The following STX3 variants were observed in gnomAD, a reference collection of about 807,000 sequenced individuals.
The protein encoded by STX3 is syntaxin 3.
A neutral mutation model predicts 40.2 loss-of-function variants in STX3; 19 were observed. That is an observed-to-expected ratio of 0.47 (90% CI 0.33 to 0.69). The LOEUF (loss-of-function observed/expected upper bound fraction) is 0.69. Ranked by LOEUF, STX3 falls within the 30% of genes least tolerant of loss-of-function variation. The pLI is 0.02. For synonymous variants in STX3, 122 were observed against 132.2 expected, an observed-to-expected ratio of 0.92 and a Z score of 0.53; for missense variants, 364 against 366.7, an observed-to-expected ratio of 0.99 and a Z score of 0.06.
chr11:59,778,366 C>T (rs1161903492), intron 2 of STX3, among the ~76,000 whole-genome samples: 2 of 152,150 alleles, frequency 1.3e-5, no homozygotes. Context: ...TCCCTTGTGG[C>T]CTCCTGGATA....
chr11:59,763,143 G>T (rs753907596), intron 1 of STX3, among the ~76,000 whole-genome samples: 27 of 152,202 alleles, frequency 1.8e-4, no homozygotes, highest in Non-Finnish European at 3.7e-4. Flanking sequence ...ATGAACAAAT[G>T]AATCTGTTAC....
chr11:59,793,629 G>T (rs1013552474), intron 8 of STX3, 115 bp downstream of exon 8: 1 of 1,398,294 alleles, frequency 7.2e-7, no homozygotes, highest in Non-Finnish European at 9.6e-7. Flanking sequence ...AGAACCATTG[G>T]GAATTTGCAT....
In STX3 at chr11:59,787,096, ACT is replaced by A. The variant is rs1359585490; in HGVS notation, c.177_178del (p.Tyr60GlnfsTer16). 1.2e-6 allele frequency: 2 copies of A among 1,613,940 alleles called. No homozygotes were observed. The highest frequency in any genetic ancestry group is 1.1e-5 in the South Asian group (1 of 91,054). On this transcript the variant is annotated frameshift_variant, in exon 3 of 11. Coordinates refer to ENST00000337979, the MANE Select transcript of STX3 (RefSeq NM_004177.5). LOFTEE classifies it high-confidence loss of function. ...ISEHVEEAKK[L>X]YSIILSAPIP... is the part of the protein sequence containing the mutation. Reference sequence around the variant, plus strand: ...CAGAACATGTAGAGGAGGCTAAGAAACTCTACAGTATCATTCTCTCTGCACCG... The same window carrying A: ...CAGAACATGTAGAGGAGGCTAAGAAACTACAGTATCATTCTCTCTGCACCG...
chr11:59,769,720 C>G (rs908797649), intron 1 of STX3, among the ~76,000 whole-genome samples: 1 of 152,176 alleles, frequency 6.6e-6, no homozygotes, highest in African/African-American at 2.4e-5. Flanking sequence ...CTCCAGGTCA[C>G]AGTTGTTCCC....
intron 5 of STX3, among the ~76,000 whole-genome samples, chr11:59,791,343 A>G (rs1865147160): frequency 6.6e-6 from 1 of 152,238 alleles, no homozygotes; most frequent in Non-Finnish European, 1.5e-5. Flanking sequence ...GCCACATTCT[A>G]GAGGTCTTTG....
intron 2 of STX3, among the ~76,000 whole-genome samples, chr11:59,781,100 T>TTTTTTTTTTTTTTTTATATA (rs963410109): frequency 1.6e-4 from 23 of 146,356 alleles, no homozygotes; most frequent in African/African-American, 2.6e-4. Flanking sequence ...TTTTTTTTTT[T>TTTTTTTTTTTTTTTTATATA]TATATTAGCA....
intron 2 of STX3, among the ~76,000 whole-genome samples, chr11:59,784,159 A>G (rs965397573): frequency 2.0e-5 from 3 of 152,334 alleles, no homozygotes; most frequent in Non-Finnish European, 4.4e-5. Flanking sequence ...TGCTTCTACC[A>G]TTGACTGAAC....
At chr11:59,795,556 C>T in intron 9 of STX3, 74 bp downstream of exon 9, 5 of 1,551,134 alleles carry the variant, frequency 3.2e-6, no homozygotes, top group African/African-American at 1.4e-5. Flanking sequence ...TCTTCCCTCT[C>T]CCTGTCTCTG....
intron 9 of STX3, chr11:59,795,707 C>T (rs897455818): frequency 4.5e-5 from 69 of 1,536,404 alleles, no homozygotes; most frequent in African/African-American, 1.6e-4. Flanking sequence ...GAGTGAAGCC[C>T]GGAGGGTGAG....
At chr11:59,777,710 C>G (rs1864057495) in intron 2 of STX3, among the ~76,000 whole-genome samples, 1 of 152,048 alleles carries the variant, frequency 6.6e-6, no homozygotes, top group Non-Finnish European at 1.5e-5. Flanking sequence ...TGGCTTTTCT[C>G]TTAGGATTGT....
At chr11:59,762,478 T>G (rs1381972208) in intron 1 of STX3, among the ~76,000 whole-genome samples, 1 of 152,248 alleles carries the variant, frequency 6.6e-6, no homozygotes, top group Non-Finnish European at 1.5e-5. Context: ...AGAAGGATCC[T>G]CACTCAGCAC....
chr11:59,783,407 T>A (rs770834626), intron 2 of STX3, among the ~76,000 whole-genome samples: 14 of 152,236 alleles, frequency 9.2e-5, no homozygotes, highest in Non-Finnish European at 1.8e-4. Context: ...CTCTACTTCT[T>A]TGAGACTCGA....
intron 2 of STX3, among the ~76,000 whole-genome samples, chr11:59,783,784 G>A (rs1590799935): frequency 6.6e-6 from 1 of 152,264 alleles, no homozygotes; most frequent in East Asian, 1.9e-4. Context: ...AAGCCACGAA[G>A]TTCAAAAAAA....
upstream of STX3, chr11:59,755,110 A>AGCCC: frequency 6.5e-6 from 1 of 153,336 alleles, no homozygotes; most frequent in Non-Finnish European, 1.5e-5. Flanking sequence ...CCTAGCGAGG[A>AGCCC]GCCCGGCACA....
chr11:59,769,678 C>T (rs1267643691), intron 1 of STX3, among the ~76,000 whole-genome samples: 1 of 152,140 alleles, frequency 6.6e-6, no homozygotes, highest in African/African-American at 2.4e-5. Context: ...GAACTTACGT[C>T]ATGATGGAGT....
In STX3 at chr11:59,795,357, G is replaced by A. The variant is rs748879664; in HGVS notation, c.676-15G>A. ...GAGACGTTTACTTGGTGTGATCAGA[G>A]TCTGTTCTTTGCAGGGTGAGATGTT... is the stretch of plus-strand genomic sequence containing the variant. On this transcript the variant is annotated splice_polypyrimidine_tract_variant and intron_variant, in intron 8 of 10. Coordinates refer to ENST00000337979, the MANE Select transcript of STX3 (RefSeq NM_004177.5). 1 of 1,605,382 alleles carries A rather than the reference G, an allele frequency of 6.2e-7. No homozygotes were observed. Among genetic ancestry groups the A allele is most frequent in the East Asian group, 2.2e-5 (1 of 44,824 alleles).
intron 2 of STX3, among the ~76,000 whole-genome samples, chr11:59,776,648 T>C (rs1287436371): frequency 6.6e-6 from 1 of 152,220 alleles, no homozygotes; most frequent in East Asian, 1.9e-4. Flanking sequence ...CTTGGTTATT[T>C]GCTGAGAGCA....
rs536957457 is a variant in STX3 at position 59,790,161 on chromosome 11, A to AT, written c.290-356dup. ...ATGTGTCTTCTCATTTAATCTTCAC[A>AT]TTAGTATTGTGAGGGAGGGACTGTT... On this transcript the variant is annotated intron_variant, in intron 4 of 10. Transcript: ENST00000337979. 6.6e-5 allele frequency among the ~76,000 whole-genome samples: 10 copies of AT among 152,288 alleles called. No individual in the cohort carries two copies. In the East Asian group the frequency reaches 1.7e-3, roughly 26 times the overall value.
In STX3 at chr11:59,800,944, G is replaced by T. The variant is rs780484718; in HGVS notation, c.*120G>T. Reference sequence around the variant, plus strand: ...GCCTTCCTGAGAGCGAGTGCGACCCGTTCCTTTGTTTCCTTGCAACCACCC... The same window carrying T: ...GCCTTCCTGAGAGCGAGTGCGACCCTTTCCTTTGTTTCCTTGCAACCACCC... On this transcript the variant is annotated 3_prime_UTR_variant, in exon 11 of 11. Transcript: ENST00000337979. 2 of 1,535,958 alleles carry T rather than the reference G, an allele frequency of 1.3e-6. No homozygotes were observed.
Sources: gnomAD v4.1 joint callset for allele counts (sites outside exome capture counted in the v4.1 genomes callset) on GRCh38, gnomAD v4.1.1 for gene constraint, MANE v1.5 for transcripts, NCBI Gene and HGNC (gene_info 2026-07-23, HGNC 2026-07-21) for gene names.